SCRG1: variants seen among roughly 807,000 people sequenced by gnomAD.
SCRG1 encodes the protein scrapie-responsive protein 1.
Under a neutral mutation model 7.7 loss-of-function variants are expected in SCRG1, and 3 were observed. The ratio of observed to expected loss-of-function variants is 0.39; its 90% CI spans 0.18 to 1.01. The LOEUF (loss-of-function observed/expected upper bound fraction) is 1.01, where lower values mean the gene tolerates loss of function less well. Among genes scored for constraint, SCRG1 ranks in the 50% least tolerant of loss-of-function variants. The pLI, the probability that SCRG1 is intolerant of heterozygous loss-of-function variation, is 0.36. For synonymous variants in SCRG1, 46 were observed against 41.2 expected, an observed-to-expected ratio of 1.12 and a Z score of -0.44; for missense variants, 110 against 117.2, an observed-to-expected ratio of 0.94 and a Z score of 0.28.
chr4:173,511,859 C>T, the SCRG1 span, among the ~76,000 whole-genome samples: 1 of 151,644 alleles, frequency 6.6e-6, no homozygotes, highest in African/African-American at 2.4e-5. The surrounding 1 kb of genome is among the most constrained non-coding windows in gnomAD (Gnocchi z 5.2). Context: ...AGGGTGCCCT[C>T]CCTCTGGTTG....
At chr4:173,408,028 A>G (rs1719429528), upstream of SCRG1, among the ~76,000 whole-genome samples, 1 of 152,266 alleles carries the variant, frequency 6.6e-6, no homozygotes, top group Admixed American at 6.5e-5. Flanking sequence ...ACACAGTATT[A>G]GATAACTAAA....
At chr4:173,479,492 G>A in the SCRG1 span, among the ~76,000 whole-genome samples, 1 of 146,754 alleles carries the variant, frequency 6.8e-6, no homozygotes, top group East Asian at 2.1e-4. Context: ...CTAGGCTGGA[G>A]TGCAGTGGCA....
At chr4:173,510,029 G>A in the SCRG1 span, among the ~76,000 whole-genome samples, 1 of 152,204 alleles carries the variant, frequency 6.6e-6, no homozygotes, top group Non-Finnish European at 1.5e-5. The surrounding 1 kb of genome is among the most constrained non-coding windows in gnomAD (Gnocchi z 5.7). Flanking sequence ...GACTGCAGCA[G>A]CAGAGGGAGA....
the SCRG1 span, among the ~76,000 whole-genome samples, chr4:173,504,388 G>A: frequency 2.0e-5 from 3 of 152,104 alleles, no homozygotes; most frequent in African/African-American, 2.4e-5. The surrounding 1 kb of genome is among the most constrained non-coding windows in gnomAD (Gnocchi z 4.7). Context: ...ACCCCAACTC[G>A]TCACCACCGC....
At chr4:173,501,938 T>C in the SCRG1 span, among the ~76,000 whole-genome samples, 1 of 152,190 alleles carries the variant, frequency 6.6e-6, no homozygotes, top group Non-Finnish European at 1.5e-5. The surrounding 1 kb of genome is among the most constrained non-coding windows in gnomAD (Gnocchi z 5.1). Context: ...ACCTACTTTG[T>C]GCTCAGATCT....
At chr4:173,421,878 G>A in the SCRG1 span, among the ~76,000 whole-genome samples, 1 of 152,094 alleles carries the variant, frequency 6.6e-6, no homozygotes. Flanking sequence ...AGTAAAATAG[G>A]ATTTCTTTCT....
chr4:173,399,477 T>TGTGTGTGTGTGTGG (rs1164212977), upstream of SCRG1: 1 of 66,840 alleles, frequency 1.5e-5, no homozygotes, highest in African/African-American at 4.1e-5. Flanking sequence ...TGTGTGTGTG[T>TGTGTGTGTGTGTGG]GTGTGTGTGT....
At chr4:173,390,716 T>TG (rs1422029354) in intron 2 of SCRG1, among the ~76,000 whole-genome samples, 3 of 152,198 alleles carry the variant, frequency 2.0e-5, no homozygotes, top group African/African-American at 7.2e-5. Context: ...CTCGAACTCC[T>TG]GACCTCAGGT....
the SCRG1 span, among the ~76,000 whole-genome samples, chr4:173,491,465 G>A: frequency 2.0e-5 from 3 of 151,976 alleles, no homozygotes; most frequent in Non-Finnish European, 2.9e-5. Flanking sequence ...TGCAGAGATC[G>A]GTACCATGTA....
the SCRG1 span, among the ~76,000 whole-genome samples, chr4:173,417,496 T>C: frequency 6.6e-6 from 1 of 152,182 alleles, no homozygotes; most frequent in Non-Finnish European, 1.5e-5. Flanking sequence ...AATACTAGCA[T>C]TTACTGATCC....
chr4:173,502,191 G>A, the SCRG1 span, among the ~76,000 whole-genome samples: 5 of 139,672 alleles, frequency 3.6e-5, no homozygotes, highest in Non-Finnish European at 7.8e-5. This position sits in a 1 kb window ranked among gnomAD's most constrained non-coding sequence, Gnocchi z 4.6. Context: ...TTCAGGAAGA[G>A]ATTTGGAATT....
At position 173,388,378 on chromosome 4, in the gene SCRG1, GGT is replaced by G. The variant is rs761256109; in HGVS notation, c.258_259del (p.Pro87LysfsTer24). On this transcript the variant is annotated frameshift_variant, in exon 3 of 3. Transcript: ENST00000296506. LOFTEE classifies it high-confidence loss of function. ...GCAAGGAATCACGAAAGAGATCTTT[GGT>G]CCAAAGAAAACGTCTCTGAAAGAAA... The G allele has an allele frequency of 1.2e-6, 2 of 1,611,122 alleles. No individual in the cohort carries two copies. The highest frequency in any genetic ancestry group is 1.7e-6 in the Non-Finnish European group (2 of 1,178,232).
the SCRG1 span, among the ~76,000 whole-genome samples, chr4:173,514,434 T>C: frequency 5.2e-3 from 786 of 152,354 alleles, 9 homozygotes; most frequent in African/African-American, 0.018. Flanking sequence ...CTCAGAGCAC[T>C]CCCCTTCACA....
the SCRG1 span, among the ~76,000 whole-genome samples, chr4:173,476,866 C>T: frequency 3.3e-5 from 5 of 152,092 alleles, no homozygotes; most frequent in Admixed American, 6.6e-5. Context: ...GCCAGTATTA[C>T]ATTCCTTTCA....
the SCRG1 span, among the ~76,000 whole-genome samples, chr4:173,504,164 GT>G: frequency 2.9e-4 from 44 of 151,808 alleles, no homozygotes; most frequent in African/African-American, 1.1e-3. The surrounding 1 kb of genome is among the most constrained non-coding windows in gnomAD (Gnocchi z 4.7). Context: ...AACTACATTG[GT>G]TTTTTTTCAT....
the SCRG1 span, among the ~76,000 whole-genome samples, chr4:173,421,879 A>G: frequency 6.6e-4 from 101 of 152,260 alleles, no homozygotes; most frequent in African/African-American, 2.2e-3. Flanking sequence ...GTAAAATAGG[A>G]TTTCTTTCTT....
In SCRG1 at chr4:173,387,769, G is replaced by C. The variant is rs1382995963; in HGVS notation, c.*572C>G. The C allele has an allele frequency of 1.6e-5, 2 of 126,882 alleles. No homozygotes were observed. Among genetic ancestry groups the C allele is most frequent in the Non-Finnish European group, 3.1e-5 (2 of 64,278 alleles). The allele number at this position is 126,882 out of a possible 1,614,324, so 7.9% of individuals were successfully genotyped here. ...GCTCTGTCACCCAGGCTAGAGTGCA[G>C]TAGTGCAATCATAGCTCACTGCAGA... On this transcript the variant is annotated 3_prime_UTR_variant, in exon 3 of 3. Transcript: ENST00000296506.
At chr4:173,418,908 T>A in the SCRG1 span, among the ~76,000 whole-genome samples, 1 of 152,212 alleles carries the variant, frequency 6.6e-6, no homozygotes, top group African/African-American at 2.4e-5. Flanking sequence ...TCCTGAAGCC[T>A]CCCAGTCATG....
At chr4:173,433,167 C>T in the SCRG1 span, among the ~76,000 whole-genome samples, 1 of 152,106 alleles carries the variant, frequency 6.6e-6, no homozygotes, top group Non-Finnish European at 1.5e-5. Flanking sequence ...CTTTTTTTTA[C>T]AGCAGCATTT....
Sources: allele counts gnomAD v4.1 joint callset (sites outside exome capture counted in the v4.1 genomes callset), GRCh38; gene constraint gnomAD v4.1.1; non-coding constraint Gnocchi (gnomAD v3.1); transcripts MANE v1.5; gene names NCBI Gene and HGNC (gene_info 2026-07-23, HGNC 2026-07-21).